CDKAL1: variants seen among roughly 807,000 people sequenced by gnomAD.
The protein encoded by CDKAL1 is threonylcarbamoyladenosine tRNA methylthiotransferase.
A neutral mutation model predicts 68.2 loss-of-function variants in CDKAL1; 32 were observed. The observed-to-expected ratio is 0.47, with a 90% CI of 0.35 to 0.63. The LOEUF (loss-of-function observed/expected upper bound fraction) is 0.63. CDKAL1 is among the 30% of genes least tolerant of loss of function. CDKAL1 has a pLI of 0.00. For synonymous variants in CDKAL1, 234 were observed against 244.3 expected, an observed-to-expected ratio of 0.96 and a Z score of 0.39; for missense variants, 606 against 696.7, an observed-to-expected ratio of 0.87 and a Z score of 1.47.
chr6:21,172,718 T>C (rs528715871), intron 13 of CDKAL1, among the ~76,000 whole-genome samples: 1 of 152,248 alleles, frequency 6.6e-6, no homozygotes, highest in Admixed American at 6.5e-5. Flanking sequence ...ATCATACCAC[T>C]GCAATCCAGC....
At chr6:20,563,426 T>C (rs1764342214) in intron 4 of CDKAL1, among the ~76,000 whole-genome samples, 1 of 152,212 alleles carries the variant, frequency 6.6e-6, no homozygotes, top group South Asian at 2.1e-4. Flanking sequence ...TTGAAGCTTA[T>C]CATTTCCATT....
At chr6:20,606,435 C>T (rs926900068) in intron 4 of CDKAL1, among the ~76,000 whole-genome samples, 1 of 152,142 alleles carries the variant, frequency 6.6e-6, no homozygotes, top group Non-Finnish European at 1.5e-5. Context: ...CGGATTGCTT[C>T]TGCAGGTTTG....
At chr6:20,916,294 C>T (rs1445549552) in intron 9 of CDKAL1, among the ~76,000 whole-genome samples, 3 of 152,136 alleles carry the variant, frequency 2.0e-5, no homozygotes, top group Non-Finnish European at 4.4e-5. Context: ...AAGATGATAT[C>T]ATTCGGGGAA....
chr6:20,875,922 A>T (rs1218399885), intron 9 of CDKAL1, among the ~76,000 whole-genome samples: 1 of 152,226 alleles, frequency 6.6e-6, no homozygotes, highest in Non-Finnish European at 1.5e-5. Context: ...TTAAAAATAT[A>T]AACTGTGGGA....
intron 13 of CDKAL1, among the ~76,000 whole-genome samples, chr6:21,115,327 T>C (rs559276586): frequency 6.6e-6 from 1 of 152,360 alleles, no homozygotes; most frequent in Admixed American, 6.5e-5. Context: ...AACAGAGTGC[T>C]TTGAGTTGTT....
At chr6:20,925,669 G>T (rs1484678984) in intron 9 of CDKAL1, among the ~76,000 whole-genome samples, 1 of 152,010 alleles carries the variant, frequency 6.6e-6, no homozygotes, top group Non-Finnish European at 1.5e-5. Flanking sequence ...GTTTTACATT[G>T]TTGGTATCTT....
At chr6:20,828,400 TG>T (rs1777584783) in intron 8 of CDKAL1, among the ~76,000 whole-genome samples, 1 of 151,906 alleles carries the variant, frequency 6.6e-6, no homozygotes, top group Non-Finnish European at 1.5e-5. Flanking sequence ...GGCTAATTTT[TG>T]TATTTTTAGT....
At chr6:21,150,218 C>T (rs1037240931) in intron 13 of CDKAL1, among the ~76,000 whole-genome samples, 26 of 152,136 alleles carry the variant, frequency 1.7e-4, no homozygotes, top group African/African-American at 6.3e-4. Flanking sequence ...CCCACATAAA[C>T]TGCAGGAGTT....
chr6:20,826,286 T>C (rs1241090924), intron 8 of CDKAL1, among the ~76,000 whole-genome samples: 2 of 152,186 alleles, frequency 1.3e-5, no homozygotes, highest in Non-Finnish European at 2.9e-5. Context: ...CAAAAATCTT[T>C]TTGGTTTTTT....
At chr6:21,142,022 T>C (rs1775939920) in intron 13 of CDKAL1, among the ~76,000 whole-genome samples, 1 of 152,078 alleles carries the variant, frequency 6.6e-6, no homozygotes, top group African/African-American at 2.4e-5. Context: ...TCCTGGTGGA[T>C]CCAAAATTTT....
At chr6:20,576,607 A>C (rs1257549130) in intron 4 of CDKAL1, among the ~76,000 whole-genome samples, 1 of 152,194 alleles carries the variant, frequency 6.6e-6, no homozygotes, top group East Asian at 1.9e-4. Context: ...TGGGTAATGC[A>C]TTTATTTGTG....
intron 6 of CDKAL1, among the ~76,000 whole-genome samples, chr6:20,743,790 A>G (rs1218704509): frequency 6.6e-6 from 1 of 152,206 alleles, no homozygotes. Flanking sequence ...TAACCTCTGC[A>G]CTTCTCCCAT....
intron 4 of CDKAL1, among the ~76,000 whole-genome samples, chr6:20,595,046 A>G (rs1765761460): frequency 2.0e-5 from 3 of 152,204 alleles, no homozygotes; most frequent in Admixed American, 2.0e-4. Flanking sequence ...ATCCACTGTT[A>G]GTCTGATGGG....
At chr6:20,541,906 C>T (rs1048277209) in intron 2 of CDKAL1, among the ~76,000 whole-genome samples, 7 of 152,196 alleles carry the variant, frequency 4.6e-5, no homozygotes, top group Non-Finnish European at 7.3e-5. Flanking sequence ...GTGATCTGTC[C>T]GCCTTGGCCT....
At chr6:20,632,073 C>CT (rs1767697992) in intron 4 of CDKAL1, among the ~76,000 whole-genome samples, 1 of 152,128 alleles carries the variant, frequency 6.6e-6, no homozygotes, top group Non-Finnish European at 1.5e-5. Flanking sequence ...ACGGATGCCC[C>CT]TTGACTTAGG....
intron 13 of CDKAL1, among the ~76,000 whole-genome samples, chr6:21,141,154 C>T (rs1028543442): frequency 2.6e-5 from 4 of 152,152 alleles, no homozygotes; most frequent in Non-Finnish European, 5.9e-5. Context: ...TTTCACCACT[C>T]CCCCCTTGCA....
intron 8 of CDKAL1, among the ~76,000 whole-genome samples, chr6:20,799,044 T>TG (rs1561787338): frequency 3.9e-5 from 4 of 102,588 alleles, no homozygotes; most frequent in African/African-American, 7.9e-5. Flanking sequence ...AACTGAGTTT[T>TG]TTTTTTTTTT....
At chr6:20,879,115 A>G (rs935773888) in intron 9 of CDKAL1, among the ~76,000 whole-genome samples, 7 of 152,066 alleles carry the variant, frequency 4.6e-5, no homozygotes, top group Admixed American at 4.6e-4. Context: ...AATAAATAAA[A>G]GAAGTATTCC....
rs10522824 is a variant in CDKAL1 at position 20,600,771 on chromosome 6, CATAT to C, written c.287-48508_287-48505del. Among the ~76,000 whole-genome samples, 9 of 124,170 alleles carry C rather than the reference CATAT, an allele frequency of 7.2e-5. No homozygotes were observed. In the East Asian group the frequency reaches 8.1e-4, roughly 11 times the overall value. 81.5% of individuals were successfully genotyped at this position (124,170 alleles called of 152,430 possible). On this transcript the variant is annotated intron_variant, in intron 4 of 15. Coordinates refer to ENST00000274695, the MANE Select transcript of CDKAL1 (RefSeq NM_017774.3). Reference sequence around the variant, plus strand: ...ATGGAGAGAGAGATATATATGTATACATATATATATATATATACACACACACACA... The same window carrying C: ...ATGGAGAGAGAGATATATATGTATACATATATATATATACACACACACACA...
Sources: gnomAD v4.1 joint callset for allele counts (sites outside exome capture counted in the v4.1 genomes callset) on GRCh38, gnomAD v4.1.1 for gene constraint, MANE v1.5 for transcripts, NCBI Gene and HGNC (gene_info 2026-07-23, HGNC 2026-07-21) for gene names.